PAQR3: variants seen among roughly 807,000 people sequenced by gnomAD.
PAQR3 encodes the protein progestin and adipoQ receptor family member 3, also known as Raf kinase trapping to Golgi.
Under a neutral mutation model 41.7 loss-of-function variants are expected in PAQR3, and 39 were observed. The observed-to-expected ratio is 0.93, with a 90% confidence interval of 0.72 to 1.22. The LOEUF is 1.22. Among genes scored for constraint, PAQR3 ranks in the 50% most tolerant of loss-of-function variants. The pLI is 0.00. For synonymous variants in PAQR3, 140 were observed against 140.6 expected, an observed-to-expected ratio of 1.00 and a Z score of 0.03; for missense variants, 366 against 385.6, an observed-to-expected ratio of 0.95 and a Z score of 0.42.
chr4:78,913,813 G>A lies in PAQR3; in HGVS notation c.*6726C>T, dbSNP rs1460670502. Reference sequence around the variant, plus strand: ...GAAGCAATATGTGAATCACAATGTAGCAGAGGCAGACCAAGCATTACATTA... The same window carrying A: ...GAAGCAATATGTGAATCACAATGTAACAGAGGCAGACCAAGCATTACATTA... On this transcript the variant is annotated 3_prime_UTR_variant, in exon 6 of 6. Coordinates refer to ENST00000512733, the MANE Select transcript of PAQR3 (RefSeq NM_001040202.2). 2.6e-5 allele frequency: 4 copies of A among 151,916 alleles called. No homozygotes were observed. Among genetic ancestry groups the A allele is most frequent in the South Asian group, 2.1e-4 (1 of 4,826 alleles). The allele number at this position is 151,916 out of a possible 1,614,324, so 9.4% of individuals were successfully genotyped here. A position where few individuals can be genotyped will look rare whatever the true frequency, so the allele number is the denominator to read the frequency against.
In PAQR3 at chr4:78,917,911, T is replaced by TA; in HGVS notation, c.*2627dup. On this transcript the variant is annotated 3_prime_UTR_variant, in exon 6 of 6. Transcript: ENST00000512733. ...ATATGATTTTAAAGCTGTTATGTAT[T>TA]ACAAAGAATGACAAGCAGCAGTTAA... The TA allele has an allele frequency of 1.0e-6, 1 of 984,216 alleles. No homozygotes were observed. The highest frequency in any genetic ancestry group is 1.2e-6 in the Non-Finnish European group (1 of 828,530). 61.0% of individuals were successfully genotyped at this position (984,216 alleles called of 1,614,324 possible).
Position 78,918,597 on chromosome 4 carries a change from C to T in PAQR3, c.*1942G>A, listed in dbSNP as rs545690041. ...TACACCCTTTAAATTCAAAGAAACA[C>T]GGATTTAAAAACACAGTATACTCTT... is the stretch of plus-strand genomic sequence containing the variant. On this transcript the variant is annotated 3_prime_UTR_variant, in exon 6 of 6. Transcript: ENST00000512733. 7.5e-5 allele frequency: 73 copies of T among 970,346 alleles called. No individual in the cohort carries two copies. In the East Asian group the frequency reaches 1.3e-3, roughly 17 times the overall value. The allele number at this position is 970,346 out of a possible 1,614,324, so 60.1% of individuals were successfully genotyped here.
rs1734862025 is a variant in PAQR3, at chr4:78,914,359, C to G, written c.*6180G>C. ...TCTTATAACACAGCACAGTGACTTT[C>G]TTCTTTCAAGATTGTAGCTCAGAGA... is the stretch of plus-strand genomic sequence containing the variant. On this transcript the variant is annotated 3_prime_UTR_variant, in exon 6 of 6. Coordinates refer to ENST00000512733, the MANE Select transcript of PAQR3 (RefSeq NM_001040202.2). 6.6e-6 allele frequency: 1 copy of G among 152,028 alleles called. No individual in the cohort carries two copies. The allele number at this position is 152,028 out of a possible 1,614,324, so 9.4% of individuals were successfully genotyped here.
intron 2 of PAQR3, among the ~76,000 whole-genome samples, chr4:78,931,852 A>T (rs920167566): frequency 2.0e-5 from 3 of 152,172 alleles, no homozygotes; most frequent in African/African-American, 7.2e-5. Flanking sequence ...TGATTATGAC[A>T]TTTCCTATAC....
In PAQR3 at chr4:78,912,671, A is replaced by G. The variant is rs1386852601; in HGVS notation, c.*7868T>C. 6.6e-6 allele frequency: 1 copy of G among 152,198 alleles called. No individual in the cohort carries two copies. Among genetic ancestry groups the G allele is most frequent in the Non-Finnish European group, 1.5e-5 (1 of 68,028 alleles). 9.4% of individuals were successfully genotyped at this position (152,198 alleles called of 1,614,324 possible). A position where few individuals can be genotyped will look rare whatever the true frequency, so the allele number is the denominator to read the frequency against. On this transcript the variant is annotated 3_prime_UTR_variant, in exon 6 of 6. Coordinates refer to ENST00000512733, the MANE Select transcript of PAQR3 (RefSeq NM_001040202.2). ...TATCTAATGATAAGCATATGAAATAATGTGTAATTAGCTCAATTTAACTAT... is the reference window on the plus strand; with the variant it reads ...TATCTAATGATAAGCATATGAAATAGTGTGTAATTAGCTCAATTTAACTAT...
At chr4:78,889,220 C>CAAAAAA (rs71661191) in intron 11 of PAQR3, among the ~76,000 whole-genome samples, 1 of 53,730 alleles carries the variant, frequency 1.9e-5, no homozygotes, top group African/African-American at 6.9e-5. Flanking sequence ...GACTCTGTCT[C>CAAAAAA]AAAAAAAAAA....
intron 11 of PAQR3, among the ~76,000 whole-genome samples, chr4:78,895,821 G>A (rs1733672304): frequency 6.6e-6 from 1 of 152,050 alleles, no homozygotes; most frequent in Admixed American, 6.6e-5. Context: ...GAGTGCAGTG[G>A]CATGATCACG....
chr4:78,911,157 G>A, downstream of PAQR3: 1 of 1,613,832 alleles, frequency 6.2e-7, no homozygotes, highest in Non-Finnish European at 8.5e-7. Context: ...GTGCTCAACA[G>A]CCCCAGCAAG....
intron 11 of PAQR3, among the ~76,000 whole-genome samples, chr4:78,894,798 A>G (rs1733620521): frequency 6.6e-6 from 1 of 152,194 alleles, no homozygotes; most frequent in South Asian, 2.1e-4. Context: ...CTCTAAGCTT[A>G]GTCATTTCTA....
chr4:78,920,985 A>C (rs970712400), intron 5 of PAQR3, among the ~76,000 whole-genome samples: 4 of 151,960 alleles, frequency 2.6e-5, no homozygotes, highest in Non-Finnish European at 5.9e-5. Flanking sequence ...CATTTGATGG[A>C]ATGAACAACA....
intron 12 of PAQR3, among the ~76,000 whole-genome samples, chr4:78,887,846 G>T (rs1461020960): frequency 6.6e-6 from 1 of 152,184 alleles, no homozygotes; most frequent in Non-Finnish European, 1.5e-5. Flanking sequence ...GAATTTTCAT[G>T]TATGTATGGT....
intron 1 of PAQR3, among the ~76,000 whole-genome samples, chr4:78,938,611 G>A (rs771619690): frequency 6.6e-6 from 1 of 151,984 alleles, no homozygotes; most frequent in Non-Finnish European, 1.5e-5. Flanking sequence ...AATAAATCTC[G>A]GGTGTATATG....
At position 78,913,195 on chromosome 4, in the gene PAQR3, A is replaced by C. The variant is rs572127541; in HGVS notation, c.*7344T>G. On this transcript the variant is annotated 3_prime_UTR_variant, in exon 6 of 6. Coordinates refer to ENST00000512733, the MANE Select transcript of PAQR3 (RefSeq NM_001040202.2). ...AATGGTGACACCCACAAAGCCTTAT[A>C]TAAAGGCAGGATTCATGCATCCTGC... 2.6e-5 allele frequency: 4 copies of C among 152,290 alleles called. No individual in the cohort carries two copies. In the East Asian group the frequency reaches 7.7e-4, roughly 29 times the overall value. The allele number at this position is 152,290 out of a possible 1,614,324, so 9.4% of individuals were successfully genotyped here. A position where few individuals can be genotyped will look rare whatever the true frequency, so the allele number is the denominator to read the frequency against.
chr4:78,899,466 A>G (rs1013398176), intron 11 of PAQR3, among the ~76,000 whole-genome samples: 1 of 152,160 alleles, frequency 6.6e-6, no homozygotes, highest in African/African-American at 2.4e-5. Flanking sequence ...CAAGACAGAA[A>G]TCTTGGCCAT....
At chr4:78,891,739 C>CT (rs1733451649) in intron 11 of PAQR3, among the ~76,000 whole-genome samples, 1 of 152,154 alleles carries the variant, frequency 6.6e-6, no homozygotes, top group Admixed American at 6.5e-5. Context: ...ATCTTTCACT[C>CT]TAAGAGTTTC....
At chr4:78,893,635 T>G (rs561280901) in intron 11 of PAQR3, among the ~76,000 whole-genome samples, 1 of 152,304 alleles carries the variant, frequency 6.6e-6, no homozygotes, top group South Asian at 2.1e-4. Context: ...TGGTCATAAC[T>G]CACTATGGCC....
At chr4:78,939,010 G>A in intron 1 of PAQR3, 30 bp downstream of exon 1, 2 of 1,546,090 alleles carry the variant, frequency 1.3e-6, no homozygotes, top group African/African-American at 1.4e-5. Context: ...AGAGAAGGGG[G>A]CACTCCAGGC....
intron 1 of PAQR3, among the ~76,000 whole-genome samples, chr4:78,935,596 A>C (rs1196917488): frequency 6.6e-6 from 1 of 152,186 alleles, no homozygotes; most frequent in Non-Finnish European, 1.5e-5. Flanking sequence ...AATGGTCAGT[A>C]CCATTCATCT....
At chr4:78,893,034 A>G (rs755132796) in intron 11 of PAQR3, among the ~76,000 whole-genome samples, 1 of 152,222 alleles carries the variant, frequency 6.6e-6, no homozygotes, top group Non-Finnish European at 1.5e-5. Context: ...TTCTCTGTAC[A>G]TGCAATGCTG....
Sources: gnomAD v4.1 joint callset for allele counts (sites outside exome capture counted in the v4.1 genomes callset) on GRCh38, gnomAD v4.1.1 for gene constraint, MANE v1.5 for transcripts, NCBI Gene and HGNC (gene_info 2026-07-23, HGNC 2026-07-21) for gene names.